Variants in SMCHD1 observed in about 807,000 individuals in gnomAD.
SMCHD1 encodes structural maintenance of chromosomes flexible hinge domain containing 1.
A neutral mutation model predicts 254.7 loss-of-function variants in SMCHD1; 78 were observed. The ratio of observed to expected loss-of-function variants is 0.31; its 90% CI spans 0.26 to 0.37. SMCHD1 has a LOEUF of 0.37. Ranked by LOEUF, SMCHD1 falls within the 10% of genes least tolerant of loss-of-function variation. The probability of loss-of-function intolerance (pLI) is 1.00; values close to 1 mark genes in which losing one functional copy is unlikely to be tolerated. For synonymous variants in SMCHD1, 766 were observed against 794.9 expected (o/e 0.96, Z 0.61); for missense variants, 1,840 against 2,408.1 (o/e 0.76, Z 4.94).
intron 17 of SMCHD1, among the ~76,000 whole-genome samples, chr18:2,717,174 G>A (rs1037424758): frequency 1.3e-5 from 2 of 152,148 alleles, no homozygotes; most frequent in African/African-American, 4.8e-5. Flanking sequence ...TATGGGTGGA[G>A]CACTTCCCAC....
chr18:2,666,860 T>G lies in SMCHD1; in HGVS notation c.263-10T>G. ...GACCTAGCACTTATGATTTTCACTC[T>G]TGATTACAGATGAAACTGTTAAAGA... On this transcript the variant is annotated splice_polypyrimidine_tract_variant and intron_variant, in intron 2 of 47. Coordinates refer to ENST00000320876, the MANE Select transcript of SMCHD1 (RefSeq NM_015295.3). The G allele has an allele frequency of 6.2e-7, 1 of 1,604,256 alleles. No individual in the cohort carries two copies. Among genetic ancestry groups the G allele is most frequent in the Non-Finnish European group, 8.5e-7 (1 of 1,173,920 alleles).
At chr18:2,734,156 G>A (rs745918052) in intron 25 of SMCHD1, among the ~76,000 whole-genome samples, 1 of 152,150 alleles carries the variant, frequency 6.6e-6, no homozygotes, top group African/African-American at 2.4e-5. Flanking sequence ...AGGGAAGAGA[G>A]AATTGAGATA....
At chr18:2,722,762 T>C (rs1313492480) in intron 20 of SMCHD1, 99 bp downstream of exon 20, 2 of 1,018,282 alleles carry the variant, frequency 2.0e-6, no homozygotes, top group Non-Finnish European at 2.7e-6. Flanking sequence ...TGTTCAACTT[T>C]AATTATTTAA....
At chr18:2,739,331 T>A in intron 26 of SMCHD1, 101 bp from the exon 27 acceptor site, 1 of 781,510 alleles carries the variant, frequency 1.3e-6, no homozygotes, top group South Asian at 1.6e-5. Context: ...TGTATTTGAG[T>A]TATTGGATAT....
At chr18:2,763,938 G>C in intron 37 of SMCHD1, 149 bp downstream of exon 37, 1 of 719,554 alleles carries the variant, frequency 1.4e-6, no homozygotes, top group Non-Finnish European at 2.1e-6. Flanking sequence ...TTCTGTTTTT[G>C]CTATTACAAA....
intron 26 of SMCHD1, among the ~76,000 whole-genome samples, chr18:2,739,041 C>T (rs1017340982): frequency 6.6e-6 from 1 of 152,154 alleles, no homozygotes; most frequent in African/African-American, 2.4e-5. Context: ...ATTCCTCTAC[C>T]CATTTCTATA....
rs967462123 is a variant in SMCHD1, at chr18:2,804,545, GGTTTTTAA to G, written c.*1996_*2003del. ...AAAGAATGTTCTATCAGTAAAAGAA[GGTTTTTAA>G]GTATGAATCTCCATTTTTGTGGAGT... On this transcript the variant is annotated 3_prime_UTR_variant, in exon 48 of 48. Coordinates refer to ENST00000320876, the MANE Select transcript of SMCHD1 (RefSeq NM_015295.3). 4.8e-4 allele frequency: 2 copies of G among 4,132 alleles called. No homozygotes were observed. The highest frequency in any genetic ancestry group is 0.013 in the Non-Finnish European group (2 of 160). 0.3% of individuals were successfully genotyped at this position (4,132 alleles called of 1,614,324 possible). A position where few individuals can be genotyped will look rare whatever the true frequency, so the allele number is the denominator to read the frequency against.
rs2073049380 is a variant in SMCHD1 at position 2,656,162 on chromosome 18, C to A, written c.87C>A (p.Tyr29Ter). The A allele has an allele frequency of 6.6e-7, 1 of 1,517,042 alleles. No individual in the cohort carries two copies. Among genetic ancestry groups the A allele is most frequent in the Non-Finnish European group, 8.8e-7 (1 of 1,135,844 alleles). The allele number at this position is 1,517,042 out of a possible 1,614,324, so 94.0% of individuals were successfully genotyped here. Reference sequence around the variant, plus strand: ...GAGGCGTCGGCCACAGGACGGTGTACTTGTTTGATCGGCGCGAAAAGGAGT... The same window carrying A: ...GAGGCGTCGGCCACAGGACGGTGTAATTGTTTGATCGGCGCGAAAAGGAGT... ...DGGGVGHRTV[Y>*]LFDRREKESE... is the part of the protein sequence containing the mutation. Residue 29 changes from tyrosine to a stop codon, truncating the protein, a stop_gained, in exon 1 of 48, where the codon TAC (tyrosine) becomes TAA (stop). Coordinates refer to ENST00000320876, the MANE Select transcript of SMCHD1 (RefSeq NM_015295.3). LOFTEE classifies it high-confidence loss of function.
intron 17 of SMCHD1, among the ~76,000 whole-genome samples, chr18:2,709,440 T>C (rs2074617964): frequency 6.6e-6 from 1 of 152,136 alleles, no homozygotes; most frequent in Non-Finnish European, 1.5e-5. Context: ...GGTCATATTA[T>C]TATTTAATTT....
At chr18:2,755,360 C>T (rs2075652649) in intron 34 of SMCHD1, among the ~76,000 whole-genome samples, 1 of 151,878 alleles carries the variant, frequency 6.6e-6, no homozygotes, top group Admixed American at 6.6e-5. Flanking sequence ...TTTGTGGACT[C>T]AAGGTCTCAT....
chr18:2,735,851 A>G (rs748842695), intron 25 of SMCHD1, among the ~76,000 whole-genome samples: 2 of 152,238 alleles, frequency 1.3e-5, no homozygotes, highest in Admixed American at 1.3e-4. Flanking sequence ...CTACAGATTC[A>G]GTGTTGTTCC....
At chr18:2,678,255 C>CTT (rs61681896) in intron 5 of SMCHD1, among the ~76,000 whole-genome samples, 28,122 of 118,448 alleles carry the variant, frequency 0.24, 2,795 homozygotes, top group East Asian at 0.31. Context: ...TTCTTTCTTT[C>CTT]TCTCTCTCTC....
chr18:2,703,620 G>A, intron 12 of SMCHD1, 72 bp from the exon 13 acceptor site: 1 of 1,271,468 alleles, frequency 7.9e-7, no homozygotes, highest in Non-Finnish European at 1.1e-6. Flanking sequence ...AAAATAAAAT[G>A]AATGACAAAT....
chr18:2,755,578 T>G (rs1050007444), intron 34 of SMCHD1, among the ~76,000 whole-genome samples: 1 of 143,566 alleles, frequency 7.0e-6, no homozygotes, highest in Non-Finnish European at 1.5e-5. Context: ...TTTTTTTTTT[T>G]TTTTTTTGAG....
chr18:2,686,343 A>G (rs1256575009), intron 5 of SMCHD1, among the ~76,000 whole-genome samples: 1 of 152,234 alleles, frequency 6.6e-6, no homozygotes, highest in African/African-American at 2.4e-5. Context: ...GGTGGTAAGT[A>G]TAATGCATCT....
intron 7 of SMCHD1, among the ~76,000 whole-genome samples, chr18:2,692,716 G>GCA (rs2143099284): frequency 6.6e-6 from 1 of 152,232 alleles, no homozygotes; most frequent in South Asian, 2.1e-4. Context: ...GTCATCTGCT[G>GCA]GGTGACTGTC....
At chr18:2,689,833 T>C (rs192831709) in intron 7 of SMCHD1, among the ~76,000 whole-genome samples, 39 of 120,744 alleles carry the variant, frequency 3.2e-4, no homozygotes, top group African/African-American at 1.1e-3. Context: ...CTCTGTAACA[T>C]AGGAGACCTT....
intron 25 of SMCHD1, among the ~76,000 whole-genome samples, 173 bp downstream of exon 25, chr18:2,732,665 T>C (rs1032721467): frequency 6.6e-6 from 1 of 152,186 alleles, no homozygotes; most frequent in Non-Finnish European, 1.5e-5. Context: ...TAGGTTGAAA[T>C]GCAAATGATT....
chr18:2,768,117 A>G (rs1055422996), intron 37 of SMCHD1, among the ~76,000 whole-genome samples: 2 of 152,176 alleles, frequency 1.3e-5, no homozygotes, highest in Non-Finnish European at 2.9e-5. Flanking sequence ...GGACTGATAT[A>G]TTGAACAGAT....
Sources: allele counts gnomAD v4.1 joint callset (sites outside exome capture counted in the v4.1 genomes callset), GRCh38; gene constraint gnomAD v4.1.1; transcripts MANE v1.5; gene names NCBI Gene and HGNC (gene_info 2026-07-23, HGNC 2026-07-21).